Variants in TGFB3 observed in about 807,000 individuals in gnomAD.
TGFB3 encodes the protein transforming growth factor beta 3.
A neutral mutation model predicts 40.1 loss-of-function variants in TGFB3; 5 were observed. The observed-to-expected ratio is 0.12, with a 90% CI of 0.07 to 0.26. The LOEUF is 0.26. Ranked by LOEUF, TGFB3 falls within the 10% of genes least tolerant of loss-of-function variation. The probability of loss-of-function intolerance (pLI) is 1.00; values close to 1 mark genes in which losing one functional copy is unlikely to be tolerated. For missense variants in TGFB3, 373 were observed against 530.1 expected (o/e 0.70, Z 2.91); for synonymous variants, 184 against 205.6 (o/e 0.89, Z 0.90).
chr14:75,963,865 G>A (rs560863360), intron 4 of TGFB3, among the ~76,000 whole-genome samples: 5 of 147,824 alleles, frequency 3.4e-5, no homozygotes, highest in East Asian at 3.9e-4. Flanking sequence ...CCGGGTTGTC[G>A]GCTTGTTTAT....
rs1419064846 is a variant in TGFB3 at position 75,963,361 on chromosome 14, C to A, written c.881G>T (p.Gly294Val). The A allele has an allele frequency of 6.2e-7, 1 of 1,614,178 alleles. No individual in the cohort carries two copies. The change falls in exon 5 of 7, where the codon GGG becomes GTG. Residue 294 changes from glycine to valine, a missense_variant. Transcript: ENST00000238682. ...CAAAGCCCGCTTCTTCCTCTGACCC[C>A]CCTGGCCCGGGTTGTCGAGCCGGTG... ...PPHRLDNPGQGGQRKKRALDT... is the reference protein window; with the variant it reads ...PPHRLDNPGQVGQRKKRALDT...
chr14:75,980,438 TGG>T lies in TGFB3; in HGVS notation c.352+102_352+103del. The stretch of plus-strand genomic sequence containing the variant: ...CCTGAGCCTTGGTGCTGGTGAATCC[TGG>T]GGCACCCTGCTGTGTGGCCAGCACT... On this transcript the variant is annotated intron_variant, in intron 1 of 6. Transcript: ENST00000238682. The surrounding 1 kb of genome is among the most constrained non-coding windows in gnomAD (Gnocchi z 4.3). 8.2e-7 allele frequency: 1 copy of T among 1,213,248 alleles called. No individual in the cohort carries two copies. The highest frequency in any genetic ancestry group is 1.2e-6 in the Non-Finnish European group (1 of 821,412). The allele number at this position is 1,213,248 out of a possible 1,614,324, so 75.2% of individuals were successfully genotyped here.
Position 75,959,302 on chromosome 14 carries a change from G to C in TGFB3, c.1124C>G (p.Ser375Trp), listed in dbSNP as rs780254258. The C allele has an allele frequency of 6.2e-7, 1 of 1,614,170 alleles. No individual in the cohort carries two copies. The highest frequency in any genetic ancestry group is 8.5e-7 in the Non-Finnish European group (1 of 1,180,020). ...YNTLNPEASA[S>W]PCCVPQDLEP... ...CAGGTCCTGGGGCACGCAGCAAGGC[G>C]AGGCAGATGCTTCAGGGTTCAGAGT... The change falls in exon 7 of 7, where the codon TCG (serine) becomes TGG (tryptophan). Residue 375 changes from serine to tryptophan, a missense_variant. Coordinates refer to ENST00000238682, the MANE Select transcript of TGFB3 (RefSeq NM_003239.5).
At position 75,971,831 on chromosome 14, in the gene TGFB3, G is replaced by C. The variant is rs568121062; in HGVS notation, c.353-113C>G. ...CGTCCCGCCTGCCACCTCCCTAGAG[G>C]CTTGAGGCCTCAGACCGCAAGGTGG... On this transcript the variant is annotated intron_variant, in intron 1 of 6. Transcript: ENST00000238682. This position sits in a 1 kb window ranked among gnomAD's most constrained non-coding sequence, Gnocchi z 4.5. 2 of 1,216,040 alleles carry C rather than the reference G, an allele frequency of 1.6e-6. No homozygotes were observed. The highest frequency in any genetic ancestry group is 2.6e-5 in the South Asian group (2 of 77,850). 75.3% of individuals were successfully genotyped at this position (1,216,040 alleles called of 1,614,324 possible).
chr14:75,973,693 G>C lies in TGFB3; in HGVS notation c.353-1975C>G, dbSNP rs145200740. On this transcript the variant is annotated intron_variant, in intron 1 of 6. Transcript: ENST00000238682. ...GCTCGGGAGGTCCAGATTGCAGTGA[G>C]CCAGGATTGTGCCACTGCACTCCAG... Among the ~76,000 whole-genome samples, 561 of 152,306 alleles carry C rather than the reference G, an allele frequency of 3.7e-3. 4 individuals are homozygous for C. The highest frequency in any genetic ancestry group is 0.013 in the African/African-American group (524 of 41,546).
rs141838970 is a variant in TGFB3, at chr14:75,974,106, C to T, written c.353-2388G>A. The stretch of plus-strand genomic sequence containing the variant: ...AATGAGCTGAGGTGGTGCCATTGCA[C>T]TCCAACCTGGGCAACAGAGTGAGAC... On this transcript the variant is annotated intron_variant, in intron 1 of 6. Transcript: ENST00000238682. Among the ~76,000 whole-genome samples the T allele has an allele frequency of 8.6e-4, 131 of 152,142 alleles. 1 individual carries two copies. Among genetic ancestry groups the T allele is most frequent in the South Asian group, 5.0e-3 (24 of 4,818 alleles).
At position 75,980,093 on chromosome 14, in the gene TGFB3, G is replaced by A. The variant is rs1409425270; in HGVS notation, c.352+449C>T. ...ACTGGAAAAACTGAAACGGAGACGTGTCACAATGAGTTGTGAAAAGCAGGG... is the reference window on the plus strand; with the variant it reads ...ACTGGAAAAACTGAAACGGAGACGTATCACAATGAGTTGTGAAAAGCAGGG... On this transcript the variant is annotated intron_variant, in intron 1 of 6. Coordinates refer to ENST00000238682, the MANE Select transcript of TGFB3 (RefSeq NM_003239.5). This position sits in a 1 kb window ranked among gnomAD's most constrained non-coding sequence, Gnocchi z 4.3. 1.3e-5 allele frequency among the ~76,000 whole-genome samples: 2 copies of A among 152,186 alleles called. No homozygotes were observed. Among genetic ancestry groups the A allele is most frequent in the African/African-American group, 4.8e-5 (2 of 41,438 alleles).
chr14:75,959,304 G>C lies in TGFB3; in HGVS notation c.1122C>G (p.Ala374=), dbSNP rs4252345. The C allele has an allele frequency of 2.0e-3, 3,159 of 1,614,180 alleles. 56 individuals are homozygous for C. In the African/African-American group the frequency reaches 0.039, roughly 20 times the overall value. Residue 374 remains alanine (A), a synonymous_variant, in exon 7 of 7, where the codon GCC becomes GCG. Transcript: ENST00000238682. ...LYNTLNPEAS[A]SPCCVPQDLE... ...GGTCCTGGGGCACGCAGCAAGGCGA[G>C]GCAGATGCTTCAGGGTTCAGAGTGT...
intron 1 of TGFB3, among the ~76,000 whole-genome samples, chr14:75,972,449 T>C (rs1181658302): frequency 6.6e-6 from 1 of 152,114 alleles, no homozygotes; most frequent in Non-Finnish European, 1.5e-5. Context: ...CCCCGGAAGA[T>C]GTCACAATGC....
rs1284987432 is a variant in TGFB3 at position 75,979,271 on chromosome 14, G to A, written c.352+1271C>T. On this transcript the variant is annotated intron_variant, in intron 1 of 6. Coordinates refer to ENST00000238682, the MANE Select transcript of TGFB3 (RefSeq NM_003239.5). This position sits in a 1 kb window ranked among gnomAD's most constrained non-coding sequence, Gnocchi z 4.8. ...CCAGCCAGAGCTGGTCCACCCATCG[G>A]TACCCACTCCTGTTCCTTCTCTCCA... Among the ~76,000 whole-genome samples the A allele has an allele frequency of 1.3e-5, 2 of 152,080 alleles. No individual in the cohort carries two copies. Among genetic ancestry groups the A allele is most frequent in the Non-Finnish European group, 2.9e-5 (2 of 68,000 alleles).
chr14:75,969,022 C>T (rs2035255021), intron 3 of TGFB3, among the ~76,000 whole-genome samples: 1 of 152,148 alleles, frequency 6.6e-6, no homozygotes, highest in African/African-American at 2.4e-5. Context: ...GGCCGGTACT[C>T]ATCTCTGACG....
At chr14:75,969,894 C>T (rs567419427) in intron 3 of TGFB3, among the ~76,000 whole-genome samples, 2 of 152,184 alleles carry the variant, frequency 1.3e-5, no homozygotes, top group Admixed American at 6.5e-5. Flanking sequence ...TCCATCTGAT[C>T]GTCATATCCA....
rs139442324 is a variant in TGFB3 at position 75,962,111 on chromosome 14, C to G, written c.927-1035G>C. Reference sequence around the variant, plus strand: ...AGGAAAAGGATGAAAAGCCAACATACTAAGCATGGCAGACTGGAAAGAGAG... The same window carrying G: ...AGGAAAAGGATGAAAAGCCAACATAGTAAGCATGGCAGACTGGAAAGAGAG... On this transcript the variant is annotated intron_variant, in intron 5 of 6. Transcript: ENST00000238682. Among the ~76,000 whole-genome samples, 187 of 152,256 alleles carry G rather than the reference C, an allele frequency of 1.2e-3. 1 individual carries two copies. Among genetic ancestry groups the G allele is most frequent in the African/African-American group, 4.0e-3 (165 of 41,552 alleles).
chr14:75,982,495 G>C (rs2035448298), upstream of TGFB3, among the ~76,000 whole-genome samples: 1 of 152,336 alleles, frequency 6.6e-6, no homozygotes, highest in South Asian at 2.1e-4. This position sits in a 1 kb window ranked among gnomAD's most constrained non-coding sequence, Gnocchi z 4.0. Flanking sequence ...GCTCCGCGGC[G>C]ATCCTGGCCC....
Position 75,980,952 on chromosome 14 carries a change from G to A in TGFB3, c.-59C>T. On this transcript the variant is annotated 5_prime_UTR_variant, in exon 1 of 7. Transcript: ENST00000238682. This position sits in a 1 kb window ranked among gnomAD's most constrained non-coding sequence, Gnocchi z 4.3. The stretch of plus-strand genomic sequence containing the variant: ...AAGGCCTGGAGAGGAAGAGACCCCA[G>A]CAGACGTGCAGAAGGAGGGAGGAAA... 6.6e-7 allele frequency: 1 copy of A among 1,505,802 alleles called. No homozygotes were observed. Among genetic ancestry groups the A allele is most frequent in the Non-Finnish European group, 9.2e-7 (1 of 1,086,560 alleles). 93.3% of individuals were successfully genotyped at this position (1,505,802 alleles called of 1,614,324 possible).
In TGFB3 at chr14:75,980,723, A is replaced by G. The variant is rs768225719; in HGVS notation, c.171T>C (p.Pro57=). The change falls in exon 1 of 7, where the codon CCT becomes CCC. Residue 57 remains proline, a synonymous_variant. Coordinates refer to ENST00000238682, the MANE Select transcript of TGFB3 (RefSeq NM_003239.5). The surrounding 1 kb of genome is among the most constrained non-coding windows in gnomAD (Gnocchi z 4.3). Reference sequence around the variant, plus strand: ...GGACGTGGGTCATCACCGTTGGCTCAGGGGGGCTGGTGAGCCTGAGCTTGC... The same window carrying G: ...GGACGTGGGTCATCACCGTTGGCTCGGGGGGGCTGGTGAGCCTGAGCTTGC... ...ILSKLRLTSP[P]EPTVMTHVPY... The G allele has an allele frequency of 7.4e-6, 12 of 1,614,158 alleles. No homozygotes were observed. Among genetic ancestry groups the G allele is most frequent in the Middle Eastern group, 1.6e-4 (1 of 6,062 alleles).
rs749768136 is a variant in TGFB3, at chr14:75,971,684, G to A, written c.387C>T (p.Ser129=). Residue 129 remains serine (S), a synonymous_variant, in exon 2 of 7, where the codon TCC becomes TCT. Transcript: ENST00000238682. This position sits in a 1 kb window ranked among gnomAD's most constrained non-coding sequence, Gnocchi z 4.5. The part of the protein sequence containing the change: ...ELAVCPKGIT[S]KVFRFNVSSV... ...AGGACACATTGAAGCGGAAAACCTT[G>A]GAGGTAATTCCTTTAGGGCAGACAG... is the stretch of plus-strand genomic sequence containing the variant. 1.4e-5 allele frequency: 22 copies of A among 1,614,126 alleles called. No homozygotes were observed. The highest frequency in any genetic ancestry group is 8.5e-7 in the Non-Finnish European group (1 of 1,180,046).
rs2035299467 is a variant in TGFB3, at chr14:75,971,941, G to A, written c.353-223C>T. On this transcript the variant is annotated intron_variant, in intron 1 of 6. Transcript: ENST00000238682. The surrounding 1 kb of genome is among the most constrained non-coding windows in gnomAD (Gnocchi z 4.5). ...TGTGGCCTCAGAGCTCCACAACATG[G>A]CACTAGACTGGCCAGTCAAATCTAA... Among the ~76,000 whole-genome samples, 1 of 152,192 alleles carries A rather than the reference G, an allele frequency of 6.6e-6. No individual in the cohort carries two copies. The highest frequency in any genetic ancestry group is 1.5e-5 in the Non-Finnish European group (1 of 68,020).
At chr14:75,970,835 A>T in intron 3 of TGFB3, 1 of 392,524 alleles carries the variant, frequency 2.5e-6, no homozygotes, top group Non-Finnish European at 4.9e-6. Flanking sequence ...TCAATGCATG[A>T]ATTTCTTCAT....
Sources: gnomAD v4.1 joint callset for allele counts (sites outside exome capture counted in the v4.1 genomes callset) on GRCh38, gnomAD v4.1.1 for gene constraint, Gnocchi (gnomAD v3.1) non-coding constraint, MANE v1.5 for transcripts, NCBI Gene and HGNC (gene_info 2026-07-23, HGNC 2026-07-21) for gene names.